NEGR1: variants seen among roughly 807,000 people sequenced by gnomAD.
NEGR1 encodes neuronal growth regulator 1.
NEGR1 carries 10 observed loss-of-function variants against 40.9 expected under a neutral mutation model. The observed-to-expected ratio is 0.24, with a 90% CI of 0.15 to 0.42. The LOEUF (loss-of-function observed/expected upper bound fraction) is 0.42, where lower values mean the gene tolerates loss of function less well. NEGR1 is among the 10% of genes least tolerant of loss of function. NEGR1 has a pLI of 1.00. For missense variants in NEGR1, 352 were observed against 438.9 expected (o/e 0.80, Z 1.77); for synonymous variants, 185 against 166.8 (o/e 1.11, Z -0.84).
chr1:71,857,307 T>C (rs967478534), intron 2 of NEGR1, among the ~76,000 whole-genome samples: 2 of 151,640 alleles, frequency 1.3e-5, no homozygotes, highest in African/African-American at 2.4e-5. Context: ...CATTTTCTCA[T>C]CTGAAAAATC....
At chr1:72,162,488 AAAAC>A (rs949411331) in intron 1 of NEGR1, among the ~76,000 whole-genome samples, 10 of 151,990 alleles carry the variant, frequency 6.6e-5, no homozygotes, top group African/African-American at 1.9e-4. Context: ...AAACAAAAGA[AAAAC>A]AAACAAAGCA....
At chr1:71,435,088 C>T (rs1646499184) in intron 6 of NEGR1, among the ~76,000 whole-genome samples, 2 of 149,136 alleles carry the variant, frequency 1.3e-5, no homozygotes, top group Non-Finnish European at 3.0e-5. Flanking sequence ...CAGACTCCAT[C>T]TCAAACAAAC....
At chr1:71,657,913 G>T (rs1651929608) in intron 4 of NEGR1, among the ~76,000 whole-genome samples, 1 of 152,120 alleles carries the variant, frequency 6.6e-6, no homozygotes, top group Non-Finnish European at 1.5e-5. Flanking sequence ...GTATATTCTA[G>T]TACTCTTTCA....
chr1:72,094,177 A>G (rs941421017), intron 1 of NEGR1, among the ~76,000 whole-genome samples: 2 of 152,184 alleles, frequency 1.3e-5, no homozygotes, highest in Non-Finnish European at 2.9e-5. Flanking sequence ...CCAACTTAAA[A>G]AATAAGCTCA....
intron 1 of NEGR1, among the ~76,000 whole-genome samples, chr1:72,119,822 G>T (rs1454556167): frequency 6.6e-6 from 1 of 151,940 alleles, no homozygotes; most frequent in East Asian, 1.9e-4. Context: ...AGGTTGAAAA[G>T]TCCTAGAATA....
At position 71,596,763 on chromosome 1, in the gene NEGR1, C is replaced by T. The variant is rs540997560; in HGVS notation, c.789-3795G>A. On this transcript the variant is annotated intron_variant, in intron 5 of 6. Coordinates refer to ENST00000357731, the MANE Select transcript of NEGR1 (RefSeq NM_173808.3). The stretch of plus-strand genomic sequence containing the variant: ...AGGTCAGGAATAACAACAGATATCT[C>T]TAGAGAAACCAACTTGCAGATGAAA... 1.7e-4 allele frequency among the ~76,000 whole-genome samples: 26 copies of T among 152,274 alleles called. No individual in the cohort carries two copies. The South Asian group carries it at 5.0e-3, about 29-fold the overall frequency.
Position 71,855,509 on chromosome 1 carries a change from T to C in NEGR1, c.410-79212A>G, listed in dbSNP as rs545511626. ...TAGGAAGTCCTTTATAGGACATGTA[T>C]ATTGGCATTTGGAAGATGTTGAAAA... On this transcript the variant is annotated intron_variant, in intron 2 of 6. Transcript: ENST00000357731. Among the ~76,000 whole-genome samples, 3 of 152,186 alleles carry C rather than the reference T, an allele frequency of 2.0e-5. No individual in the cohort carries two copies. The East Asian group carries it at 5.8e-4, about 30-fold the overall frequency.
intron 1 of NEGR1, among the ~76,000 whole-genome samples, chr1:72,246,982 G>T (rs1057073759): frequency 6.6e-6 from 1 of 152,208 alleles, no homozygotes; most frequent in Non-Finnish European, 1.5e-5. Context: ...CAAAGTAGCA[G>T]CCCGAGCTGT....
intron 4 of NEGR1, among the ~76,000 whole-genome samples, chr1:71,661,841 T>C (rs1037264407): frequency 6.6e-6 from 1 of 152,216 alleles, no homozygotes; most frequent in African/African-American, 2.4e-5. Context: ...AACTGTATCA[T>C]GGAGATTAGG....
chr1:71,936,511 C>G (rs1055492113), intron 1 of NEGR1, among the ~76,000 whole-genome samples: 1 of 152,042 alleles, frequency 6.6e-6, no homozygotes, highest in African/African-American at 2.4e-5. Flanking sequence ...GGCATAAAGG[C>G]CTTCTGAAAT....
chr1:71,548,380 C>G (rs930735573), intron 6 of NEGR1, among the ~76,000 whole-genome samples: 1 of 151,634 alleles, frequency 6.6e-6, no homozygotes, highest in Non-Finnish European at 1.5e-5. Context: ...ACCCTCCATG[C>G]TGCCACCAAA....
At chr1:71,977,996 A>T (rs1054990057) in intron 1 of NEGR1, among the ~76,000 whole-genome samples, 4 of 152,180 alleles carry the variant, frequency 2.6e-5, no homozygotes, top group African/African-American at 9.6e-5. Flanking sequence ...CAATAGCCCA[A>T]GTGAGCTATC....
intron 6 of NEGR1, among the ~76,000 whole-genome samples, chr1:71,520,123 C>T (rs765107750): frequency 1.7e-4 from 26 of 151,958 alleles, no homozygotes; most frequent in Admixed American, 4.6e-4. Flanking sequence ...TGGAGTCAGA[C>T]GAACTCTGAC....
chr1:71,671,699 C>A (rs1652437962), intron 4 of NEGR1, among the ~76,000 whole-genome samples: 1 of 152,018 alleles, frequency 6.6e-6, no homozygotes, highest in South Asian at 2.1e-4. Flanking sequence ...AATACCATGG[C>A]CAGGGTTCTT....
intron 2 of NEGR1, among the ~76,000 whole-genome samples, chr1:71,910,461 C>T (rs1007030613): frequency 6.6e-6 from 1 of 152,152 alleles, no homozygotes; most frequent in African/African-American, 2.4e-5. Context: ...ATTGATTATA[C>T]AATTTGATAT....
At chr1:72,009,428 C>T (rs960055949) in intron 1 of NEGR1, among the ~76,000 whole-genome samples, 1 of 151,866 alleles carries the variant, frequency 6.6e-6, no homozygotes, top group Non-Finnish European at 1.5e-5. Flanking sequence ...AAAATTAGCA[C>T]AGTTTCCCCC....
chr1:71,586,422 T>C (rs1649308684), intron 6 of NEGR1, among the ~76,000 whole-genome samples: 1 of 152,212 alleles, frequency 6.6e-6, no homozygotes, highest in Admixed American at 6.5e-5. Context: ...TTTATCTTTG[T>C]TATACATTAA....
intron 4 of NEGR1, among the ~76,000 whole-genome samples, chr1:71,660,777 T>C (rs1652027455): frequency 6.6e-6 from 1 of 152,148 alleles, no homozygotes; most frequent in Admixed American, 6.5e-5. Context: ...GGTATACACG[T>C]GCCATGGTGG....
chr1:71,789,383 TAGTC>T (rs1281048212), intron 2 of NEGR1, among the ~76,000 whole-genome samples: 1 of 152,192 alleles, frequency 6.6e-6, no homozygotes, highest in Non-Finnish European at 1.5e-5. Context: ...GGGAATATTT[TAGTC>T]AGTTCTAAAT....
Sources: allele counts gnomAD v4.1 joint callset (sites outside exome capture counted in the v4.1 genomes callset), GRCh38; gene constraint gnomAD v4.1.1; transcripts MANE v1.5; gene names NCBI Gene and HGNC (gene_info 2026-07-23, HGNC 2026-07-21).